CTNNA3: variants seen among roughly 807,000 people sequenced by gnomAD.
CTNNA3 encodes the protein catenin alpha 3, also known as catenin alpha-3.
In CTNNA3, 76 loss-of-function variants were observed where a neutral mutation model predicts 95.7. The ratio of observed to expected loss-of-function variants is 0.79; its 90% CI spans 0.66 to 0.96. The LOEUF (loss-of-function observed/expected upper bound fraction) is 0.96. Among genes scored for constraint, CTNNA3 ranks in the 40% least tolerant of loss-of-function variants. CTNNA3 has a pLI of 0.00. For missense variants in CTNNA3, 1,191 were observed against 1,089.8 expected, an observed-to-expected ratio of 1.09 and a Z score of -1.31; for synonymous variants, 431 against 374.4, an observed-to-expected ratio of 1.15 and a Z score of -1.74.
intron 5 of CTNNA3, among the ~76,000 whole-genome samples, chr10:67,260,088 T>C (rs1294528416): frequency 6.6e-6 from 1 of 152,240 alleles, no homozygotes; most frequent in African/African-American, 2.4e-5. Flanking sequence ...TTATTTTATA[T>C]ACATTAGCGC....
intron 15 of CTNNA3, among the ~76,000 whole-genome samples, chr10:66,056,635 AC>A: frequency 6.6e-6 from 1 of 152,126 alleles, no homozygotes; most frequent in African/African-American, 2.4e-5. Context: ...GTTTGGTAGA[AC>A]CCAACAGTGA....
At chr10:67,633,877 G>C (rs1288340809) in intron 2 of CTNNA3, among the ~76,000 whole-genome samples, 1 of 152,116 alleles carries the variant, frequency 6.6e-6, no homozygotes, top group Non-Finnish European at 1.5e-5. Context: ...AAGAGACAGG[G>C]AGGATGGAAC....
chr10:67,736,824 G>C (rs1348120854), intron 1 of CTNNA3, among the ~76,000 whole-genome samples: 1 of 152,000 alleles, frequency 6.6e-6, no homozygotes, highest in Non-Finnish European at 1.5e-5. Context: ...GACATTTACA[G>C]AATATTTCAC....
intron 7 of CTNNA3, among the ~76,000 whole-genome samples, chr10:66,974,617 C>G (rs777701650): frequency 1.3e-5 from 2 of 152,158 alleles, no homozygotes; most frequent in South Asian, 4.1e-4. Flanking sequence ...ATTTCACATT[C>G]CCATCAGTAA....
Position 65,920,168 on chromosome 10 carries a change from C to T in CTNNA3, c.*162G>A, listed in dbSNP as rs2077059762. ...ATACAGAAATGACAGTGATATGATCCCAAATATATATTGCTTTTGTTGATT... is the reference window on the plus strand; with the variant it reads ...ATACAGAAATGACAGTGATATGATCTCAAATATATATTGCTTTTGTTGATT... On this transcript the variant is annotated 3_prime_UTR_variant, in exon 18 of 18. Transcript: ENST00000433211. 2 of 624,100 alleles carry T rather than the reference C, an allele frequency of 3.2e-6. No individual in the cohort carries two copies. The highest frequency in any genetic ancestry group is 5.5e-5 in the East Asian group (2 of 36,624). The allele number at this position is 624,100 out of a possible 1,614,324, so 38.7% of individuals were successfully genotyped here.
chr10:67,227,696 C>CAAATATATA (rs1864991595), intron 5 of CTNNA3, among the ~76,000 whole-genome samples: 8 of 152,152 alleles, frequency 5.3e-5, no homozygotes, highest in Admixed American at 3.3e-4. Flanking sequence ...AACAAATGAA[C>CAAATATATA]TTAACAGATA....
chr10:66,913,259 AAAAAAAG>A (rs1846313063), intron 7 of CTNNA3, among the ~76,000 whole-genome samples: 3 of 146,444 alleles, frequency 2.0e-5, no homozygotes, highest in African/African-American at 4.9e-5. Context: ...AAAAAAAAAA[AAAAAAAG>A]AAAAAGAAAA....
intron 7 of CTNNA3, among the ~76,000 whole-genome samples, chr10:66,856,957 T>A (rs1485878008): frequency 6.6e-6 from 1 of 152,096 alleles, no homozygotes; most frequent in Non-Finnish European, 1.5e-5. Flanking sequence ...GCTTTTGGCA[T>A]TTTTGTCATG....
intron 5 of CTNNA3, among the ~76,000 whole-genome samples, chr10:67,516,996 A>G (rs1400626196): frequency 1.3e-5 from 2 of 152,112 alleles, no homozygotes; most frequent in Non-Finnish European, 2.9e-5. Context: ...TTCTTTATTC[A>G]TCTGTTAATA....
At chr10:67,602,399 G>A (rs767978150) in intron 3 of CTNNA3, among the ~76,000 whole-genome samples, 2 of 152,170 alleles carry the variant, frequency 1.3e-5, no homozygotes, top group Admixed American at 6.5e-5. Context: ...ATTCCAGAAC[G>A]ATGTGCCATT....
At chr10:66,830,456 T>C (rs1365059906) in intron 7 of CTNNA3, among the ~76,000 whole-genome samples, 1 of 152,170 alleles carries the variant, frequency 6.6e-6, no homozygotes, top group Non-Finnish European at 1.5e-5. Context: ...TATTTACCTG[T>C]AGTCCCAGAG....
intron 12 of CTNNA3, among the ~76,000 whole-genome samples, chr10:66,306,552 G>T (rs896349383): frequency 8.5e-5 from 13 of 152,106 alleles, no homozygotes; most frequent in Non-Finnish European, 1.5e-4. Flanking sequence ...AAGCCATACT[G>T]CCTGATACTG....
chr10:66,986,859 T>C (rs1360659285), intron 7 of CTNNA3, among the ~76,000 whole-genome samples: 3 of 152,154 alleles, frequency 2.0e-5, no homozygotes, highest in Admixed American at 2.0e-4. Flanking sequence ...ACACCTACTA[T>C]GGGATTACAC....
At chr10:66,787,644 G>C (rs936956571) in intron 7 of CTNNA3, among the ~76,000 whole-genome samples, 1 of 152,130 alleles carries the variant, frequency 6.6e-6, no homozygotes, top group African/African-American at 2.4e-5. Context: ...GGGAGGAGGG[G>C]CAAGTGACAA....
chr10:66,692,289 C>T (rs1181525916), intron 9 of CTNNA3, among the ~76,000 whole-genome samples: 1 of 152,130 alleles, frequency 6.6e-6, no homozygotes, highest in Non-Finnish European at 1.5e-5. Context: ...GAGCTGAAAG[C>T]CAAGGCTTGA....
intron 5 of CTNNA3, among the ~76,000 whole-genome samples, chr10:67,318,155 C>A (rs1157664969): frequency 1.3e-5 from 2 of 152,102 alleles, no homozygotes; most frequent in Non-Finnish European, 2.9e-5. Context: ...GGATTAGGCA[C>A]CCCAGTCCCC....
intron 7 of CTNNA3, among the ~76,000 whole-genome samples, chr10:67,126,747 T>C (rs1041626733): frequency 2.0e-5 from 3 of 152,112 alleles, no homozygotes; most frequent in Non-Finnish European, 4.4e-5. Context: ...TCCATATACA[T>C]TGGGGTGAAT....
At chr10:65,951,658 A>C (rs918920010) in intron 17 of CTNNA3, among the ~76,000 whole-genome samples, 1 of 152,030 alleles carries the variant, frequency 6.6e-6, no homozygotes, top group Admixed American at 6.6e-5. Flanking sequence ...TCTCAGCACT[A>C]AAGTCACCGA....
chr10:66,346,458 T>C (rs1305656918), intron 12 of CTNNA3, among the ~76,000 whole-genome samples: 2 of 151,850 alleles, frequency 1.3e-5, no homozygotes, highest in Admixed American at 1.3e-4. Flanking sequence ...TTTGTATTTT[T>C]AGTAAAGACG....
Sources: gnomAD v4.1 joint callset for allele counts (sites outside exome capture counted in the v4.1 genomes callset) on GRCh38, gnomAD v4.1.1 for gene constraint, MANE v1.5 for transcripts, NCBI Gene and HGNC (gene_info 2026-07-23, HGNC 2026-07-21) for gene names.